NPSR1: variants seen among roughly 807,000 people sequenced by gnomAD.
NPSR1 encodes the protein neuropeptide S receptor 1.
In NPSR1, 48 loss-of-function variants were observed where a neutral mutation model predicts 46.9. The observed-to-expected ratio is 1.02, with a 90% CI of 0.81 to 1.30. NPSR1 has a LOEUF of 1.30. Among genes scored for constraint, NPSR1 ranks in the 50% most tolerant of loss-of-function variants. The pLI is 0.00. For missense variants in NPSR1, 450 were observed against 449.5 expected, an observed-to-expected ratio of 1.00 and a Z score of -0.01; for synonymous variants, 176 against 168.1, an observed-to-expected ratio of 1.05 and a Z score of -0.36.
At chr7:34,821,578 A>G (rs896804450) in intron 4 of NPSR1, among the ~76,000 whole-genome samples, 1 of 152,324 alleles carries the variant, frequency 6.6e-6, no homozygotes, top group African/African-American at 2.4e-5. Context: ...GCAGGAGGGA[A>G]GTCCCAGGAA....
Position 34,729,477 on chromosome 7 carries a change from T to C in NPSR1, c.280+44793T>C, listed in dbSNP as rs182914604. On this transcript the variant is annotated intron_variant, in intron 2 of 8. Coordinates refer to ENST00000360581, the MANE Select transcript of NPSR1 (RefSeq NM_207172.2). Reference sequence around the variant, plus strand: ...TTATTAACAGTGACTAAAGAATTTATCTGAGTAATTTAGCTAATTCAACTC... The same window carrying C: ...TTATTAACAGTGACTAAAGAATTTACCTGAGTAATTTAGCTAATTCAACTC... Among the ~76,000 whole-genome samples, 7 of 152,226 alleles carry C rather than the reference T, an allele frequency of 4.6e-5. No homozygotes were observed. The East Asian group carries it at 9.7e-4, about 21-fold the overall frequency.
intron 8 of NPSR1, among the ~76,000 whole-genome samples, chr7:34,861,674 A>G (rs1791194832): frequency 6.6e-6 from 1 of 151,850 alleles, no homozygotes; most frequent in Non-Finnish European, 1.5e-5. Context: ...ATATTTACAC[A>G]TGGAGGGGCA....
chr7:34,824,190 A>AT (rs900982364), intron 4 of NPSR1, among the ~76,000 whole-genome samples: 12 of 152,056 alleles, frequency 7.9e-5, no homozygotes, highest in Non-Finnish European at 1.6e-4. Flanking sequence ...GCCACTATGG[A>AT]TTTTTTTCCT....
At chr7:34,689,515 G>T (rs1284272524) in intron 2 of NPSR1, among the ~76,000 whole-genome samples, 1 of 145,248 alleles carries the variant, frequency 6.9e-6, no homozygotes, top group East Asian at 2.1e-4. Context: ...TGAGGCAGGA[G>T]AATGGCATGA....
chr7:34,859,393 T>C (rs1791131931), intron 8 of NPSR1, among the ~76,000 whole-genome samples: 1 of 151,676 alleles, frequency 6.6e-6, no homozygotes, highest in Admixed American at 6.5e-5. Flanking sequence ...GTTTTCATTC[T>C]TTCTGCCCTT....
chr7:34,766,239 A>T (rs1239195996), intron 2 of NPSR1, among the ~76,000 whole-genome samples: 1 of 152,198 alleles, frequency 6.6e-6, no homozygotes, highest in Non-Finnish European at 1.5e-5. Context: ...TCTCTCATAC[A>T]TTGTTGGTGG....
intron 8 of NPSR1, among the ~76,000 whole-genome samples, chr7:34,877,417 A>G (rs2128771626): frequency 6.6e-6 from 1 of 152,326 alleles, no homozygotes; most frequent in South Asian, 2.1e-4. Flanking sequence ...GGGCTTCTAG[A>G]GAGAGTGTGG....
chr7:34,765,817 A>G (rs987243506), intron 2 of NPSR1, among the ~76,000 whole-genome samples: 1 of 152,230 alleles, frequency 6.6e-6, no homozygotes, highest in Non-Finnish European at 1.5e-5. Flanking sequence ...ACCAAATGCC[A>G]CATGTTCTCA....
intron 1 of NPSR1, among the ~76,000 whole-genome samples, chr7:34,663,067 C>CTCTCTCTCTCTCTGTGTGTGTGTGTG (rs35826710): frequency 3.0e-4 from 30 of 99,426 alleles, no homozygotes; most frequent in African/African-American, 1.5e-3. Context: ...CTCTCTCTCT[C>CTCTCTCTCTCTCTGTGTGTGTGTGTG]TGTGTGTGTG....
chr7:34,876,199 A>T (rs1408783622), intron 8 of NPSR1, among the ~76,000 whole-genome samples: 4 of 152,144 alleles, frequency 2.6e-5, no homozygotes, highest in Admixed American at 1.3e-4. Flanking sequence ...GAGGAGAGAA[A>T]GAAGAGGGAA....
intron 1 of NPSR1, among the ~76,000 whole-genome samples, chr7:34,682,284 A>T (rs1792681497): frequency 1.3e-5 from 2 of 152,206 alleles, no homozygotes; most frequent in African/African-American, 2.4e-5. Context: ...CTCATTCCAG[A>T]GACTGAAAGT....
chr7:34,869,560 C>T (rs1467521259), intron 8 of NPSR1, among the ~76,000 whole-genome samples: 2 of 151,616 alleles, frequency 1.3e-5, no homozygotes, highest in Admixed American at 6.6e-5. Context: ...TCATCAGGGC[C>T]CTCCTTACCT....
At chr7:34,687,897 A>G (rs909072019) in intron 2 of NPSR1, among the ~76,000 whole-genome samples, 3 of 152,228 alleles carry the variant, frequency 2.0e-5, no homozygotes, top group African/African-American at 7.2e-5. Flanking sequence ...AGATAAATAC[A>G]TTATTTGACA....
chr7:34,829,210 G>GA (rs1311469336), intron 5 of NPSR1, among the ~76,000 whole-genome samples: 2 of 151,676 alleles, frequency 1.3e-5, no homozygotes, highest in African/African-American at 4.8e-5. Context: ...CCTTGCCCCC[G>GA]CCCCCTCATC....
chr7:34,802,518 G>C (rs984164719), intron 3 of NPSR1, among the ~76,000 whole-genome samples: 1 of 150,340 alleles, frequency 6.7e-6, no homozygotes, highest in African/African-American at 2.5e-5. Context: ...GCCATATGTA[G>C]AAAGCTGAAA....
chr7:34,713,199 C>T (rs562775457), intron 2 of NPSR1, among the ~76,000 whole-genome samples: 5 of 152,136 alleles, frequency 3.3e-5, no homozygotes, highest in Non-Finnish European at 7.3e-5. Context: ...TCAGATCTGT[C>T]CTGGAGGAAC....
In NPSR1 at chr7:34,682,382, G is replaced by T. The variant is rs111349523; in HGVS notation, c.148-2170G>T. ...ACCTAGACACCCCCAGGGCACCATC[G>T]TCCTCCCTGATAGAATATTATATTA... On this transcript the variant is annotated intron_variant, in intron 1 of 8. Coordinates refer to ENST00000360581, the MANE Select transcript of NPSR1 (RefSeq NM_207172.2). Among the ~76,000 whole-genome samples, 325 of 152,230 alleles carry T rather than the reference G, an allele frequency of 2.1e-3. 2 individuals carry two copies. Among genetic ancestry groups the T allele is most frequent in the African/African-American group, 7.2e-3 (300 of 41,506 alleles).
intron 2 of NPSR1, among the ~76,000 whole-genome samples, chr7:34,749,782 T>C (rs1785415643): frequency 6.6e-6 from 1 of 152,216 alleles, no homozygotes; most frequent in Non-Finnish European, 1.5e-5. Flanking sequence ...ATTCCAAGGC[T>C]GATGAGAAAT....
chr7:34,847,985 AAG>A (rs1373311587), intron 7 of NPSR1, among the ~76,000 whole-genome samples: 7 of 152,196 alleles, frequency 4.6e-5, no homozygotes, highest in African/African-American at 1.7e-4. Flanking sequence ...TTAGGGGTGA[AAG>A]AGAACACTGT....
Sources: gnomAD v4.1 joint callset for allele counts (sites outside exome capture counted in the v4.1 genomes callset) on GRCh38, gnomAD v4.1.1 for gene constraint, MANE v1.5 for transcripts, NCBI Gene and HGNC (gene_info 2026-07-23, HGNC 2026-07-21) for gene names.